The following KIF18A variants were observed in gnomAD, a reference collection of about 807,000 sequenced individuals.
KIF18A encodes kinesin family member 18A.
KIF18A carries 67 observed loss-of-function variants against 103.3 expected under a neutral mutation model. The ratio of observed to expected loss-of-function variants is 0.65; its 90% CI spans 0.53 to 0.79. KIF18A has a LOEUF of 0.79. Ranked by LOEUF, KIF18A falls within the 30% of genes least tolerant of loss-of-function variation. The pLI, the probability that KIF18A is intolerant of heterozygous loss-of-function variation, is 0.00. For missense variants in KIF18A, 1,032 were observed against 1,062.5 expected (o/e 0.97, Z 0.40); for synonymous variants, 367 against 355.5 (o/e 1.03, Z -0.36).
chr11:28,024,175 C>A (rs1590656841), intron 15 of KIF18A, among the ~76,000 whole-genome samples: 3 of 120,402 alleles, frequency 2.5e-5, no homozygotes, highest in African/African-American at 6.6e-5. Context: ...ATCAGTAGCA[C>A]ATAGTCACAA....
chr11:28,073,442 A>G (rs906387568), intron 10 of KIF18A, among the ~76,000 whole-genome samples: 5 of 152,160 alleles, frequency 3.3e-5, no homozygotes, highest in Admixed American at 6.6e-5. Context: ...TAGCTATAGC[A>G]TTCACGGTAC....
intron 11 of KIF18A, among the ~76,000 whole-genome samples, chr11:28,067,664 C>T (rs1393721461): frequency 6.6e-6 from 1 of 152,112 alleles, no homozygotes; most frequent in Non-Finnish European, 1.5e-5. Context: ...TGGTGCCTTT[C>T]TAGGAATTCA....
intron 15 of KIF18A, among the ~76,000 whole-genome samples, chr11:28,026,340 T>C (rs906807853): frequency 2.0e-5 from 3 of 151,772 alleles, no homozygotes; most frequent in African/African-American, 7.2e-5. Flanking sequence ...ACTAAATATG[T>C]ATATAAAGCT....
At chr11:28,105,326 T>A (rs575562602) in intron 1 of KIF18A, among the ~76,000 whole-genome samples, 1 of 152,300 alleles carries the variant, frequency 6.6e-6, no homozygotes, top group South Asian at 2.1e-4. Context: ...AAATACTTAA[T>A]CACTACTCTC....
At chr11:28,095,204 T>C (rs1314654469) in intron 2 of KIF18A, among the ~76,000 whole-genome samples, 2 of 152,256 alleles carry the variant, frequency 1.3e-5, no homozygotes, top group African/African-American at 2.4e-5. Flanking sequence ...TGGAATATTA[T>C]AAAGCACTCA....
chr11:28,076,938 A>T, intron 10 of KIF18A, 69 bp downstream of exon 10: 1 of 626,292 alleles, frequency 1.6e-6, no homozygotes, highest in Non-Finnish European at 2.3e-6. Flanking sequence ...TCCTTCTGAA[A>T]AAAAAAAAAA....
At chr11:28,071,703 G>A (rs987230042) in intron 10 of KIF18A, among the ~76,000 whole-genome samples, 2 of 152,026 alleles carry the variant, frequency 1.3e-5, no homozygotes, top group African/African-American at 4.8e-5. Flanking sequence ...GAAGTTTAGA[G>A]CCACTGCTAT....
chr11:28,046,738 T>A (rs1342849482), intron 13 of KIF18A, among the ~76,000 whole-genome samples: 6 of 20,314 alleles, frequency 3.0e-4, no homozygotes, highest in Non-Finnish European at 4.1e-4. Flanking sequence ...TGAAATTAAA[T>A]GAAAAAAAAA....
chr11:28,048,499 T>A (rs1442293090), intron 13 of KIF18A, among the ~76,000 whole-genome samples: 5 of 152,088 alleles, frequency 3.3e-5, no homozygotes, highest in Non-Finnish European at 7.4e-5. Context: ...CAACTATATA[T>A]ATATAATAGA....
chr11:28,033,023 T>C (rs1850431125), intron 15 of KIF18A, among the ~76,000 whole-genome samples: 2 of 151,590 alleles, frequency 1.3e-5, no homozygotes, highest in Admixed American at 6.6e-5. Flanking sequence ...AGGAAAAAAA[T>C]CTAATGATCT....
intron 15 of KIF18A, among the ~76,000 whole-genome samples, chr11:28,031,067 C>T (rs1424785775): frequency 2.0e-5 from 3 of 151,718 alleles, no homozygotes; most frequent in Admixed American, 6.6e-5. Context: ...AATAGGAACA[C>T]TTTTACACTG....
chr11:28,036,337 T>G lies in KIF18A; in HGVS notation c.2276A>C (p.Lys759Thr). 1 of 1,610,924 alleles carries G rather than the reference T, an allele frequency of 6.2e-7. No homozygotes were observed. Among genetic ancestry groups the G allele is most frequent in the Non-Finnish European group, 8.5e-7 (1 of 1,177,904 alleles). ...GTCCAAGTCCTCCTGTCCACATTCT[T>G]TTCTTCTATTATGAGGGATAGCTAC... ...CEVAIPHNRR[K>T]ECGQEDLDST... is the part of the protein sequence containing the mutation. The change falls in exon 14 of 17, where the codon AAA (lysine) becomes ACA (threonine). Residue 759 changes from lysine (K) to threonine (T), a missense_variant. Coordinates refer to ENST00000263181, the MANE Select transcript of KIF18A (RefSeq NM_031217.4).
At chr11:28,090,804 CAA>C in intron 4 of KIF18A, 77 bp from the exon 5 acceptor site, 1 of 719,220 alleles carries the variant, frequency 1.4e-6, no homozygotes, top group Non-Finnish European at 2.4e-6. Flanking sequence ...GTTCAAAAAA[CAA>C]AAAGATTTAA....
At position 28,094,743 on chromosome 11, in the gene KIF18A, T is replaced by C; in HGVS notation, c.383A>G (p.Asp128Gly). ...TGTTAGATACATCACTCCAGGTTCA[T>C]CAGCTGATCCTAGCATAGTGTGGGT... is the stretch of plus-strand genomic sequence containing the variant. ...GKTHTMLGSADEPGVMYLTML... is the reference protein window; with the variant it reads ...GKTHTMLGSAGEPGVMYLTML... Residue 128 changes from aspartate to glycine, a missense_variant, in exon 3 of 17, where the codon GAT becomes GGT. By Grantham distance (94) the Asp-to-Gly change is moderately conservative (BLOSUM62 -1). Coordinates refer to ENST00000263181, the MANE Select transcript of KIF18A (RefSeq NM_031217.4). 1 of 1,613,964 alleles carries C rather than the reference T, an allele frequency of 6.2e-7. No individual in the cohort carries two copies. The highest frequency in any genetic ancestry group is 8.5e-7 in the Non-Finnish European group (1 of 1,179,846).
intron 1 of KIF18A, among the ~76,000 whole-genome samples, chr11:28,106,933 T>C (rs1851527033): frequency 6.6e-6 from 1 of 152,198 alleles, no homozygotes; most frequent in Admixed American, 6.5e-5. Flanking sequence ...ATCACGTCAC[T>C]GCACTCCAGC....
intron 15 of KIF18A, among the ~76,000 whole-genome samples, chr11:28,024,427 T>C (rs1181376083): frequency 6.6e-6 from 1 of 152,112 alleles, no homozygotes; most frequent in East Asian, 1.9e-4. Context: ...GGTTCAACTT[T>C]CTTACTCAAT....
intron 10 of KIF18A, among the ~76,000 whole-genome samples, chr11:28,070,766 G>C (rs963908897): frequency 6.6e-6 from 1 of 152,236 alleles, no homozygotes; most frequent in Non-Finnish European, 1.5e-5. Context: ...TGCAGGCTGG[G>C]ATGGTGGCTC....
chr11:28,064,041 A>G (rs141391253), intron 11 of KIF18A, among the ~76,000 whole-genome samples: 72 of 151,598 alleles, frequency 4.7e-4, no homozygotes, highest in African/African-American at 1.6e-3. Flanking sequence ...CACTCATCCT[A>G]TTTATATATT....
At chr11:28,077,827 T>A (rs1475639888) in intron 9 of KIF18A, among the ~76,000 whole-genome samples, 1 of 152,160 alleles carries the variant, frequency 6.6e-6, no homozygotes, top group Non-Finnish European at 1.5e-5. Context: ...GCTGCTGCAG[T>A]GTGCTTCCTC....
Sources: allele counts gnomAD v4.1 joint callset (sites outside exome capture counted in the v4.1 genomes callset), GRCh38; gene constraint gnomAD v4.1.1; transcripts MANE v1.5; gene names NCBI Gene and HGNC (gene_info 2026-07-23, HGNC 2026-07-21).